Variants in PCDH15 observed in about 807,000 individuals in gnomAD.
PCDH15 encodes protocadherin-15.
A neutral mutation model predicts 178.5 loss-of-function variants in PCDH15; 129 were observed. The observed-to-expected ratio is 0.72, with a 90% CI of 0.63 to 0.84. The LOEUF (loss-of-function observed/expected upper bound fraction) is 0.84. PCDH15 is among the 40% of genes least tolerant of loss of function. The probability of loss-of-function intolerance (pLI) is 0.00; values close to 1 mark genes in which losing one functional copy is unlikely to be tolerated. For synonymous variants in PCDH15, 800 were observed against 732.0 expected (o/e 1.09, Z -1.50); for missense variants, 2,230 against 2,099.9 (o/e 1.06, Z -1.21).
At chr10:54,456,804 C>T (rs1160580483) in intron 3 of PCDH15, among the ~76,000 whole-genome samples, 1 of 152,028 alleles carries the variant, frequency 6.6e-6, no homozygotes, top group Non-Finnish European at 1.5e-5. Context: ...GTTGGTTACC[C>T]TCGTGTTGTT....
chr10:54,441,958 C>T (rs775540770), intron 3 of PCDH15, among the ~76,000 whole-genome samples: 4 of 151,666 alleles, frequency 2.6e-5, no homozygotes, highest in Non-Finnish European at 5.9e-5. Context: ...TATCTGCTCC[C>T]ACCATCAAGG....
chr10:53,898,465 A>G (rs1026169068), intron 26 of PCDH15, among the ~76,000 whole-genome samples: 5 of 152,218 alleles, frequency 3.3e-5, no homozygotes, highest in Non-Finnish European at 5.9e-5. Context: ...ACTCCTCATA[A>G]TTAAAATGAC....
intron 15 of PCDH15, among the ~76,000 whole-genome samples, chr10:54,128,230 A>G (rs1199930117): frequency 6.6e-6 from 1 of 152,142 alleles, no homozygotes; most frequent in African/African-American, 2.4e-5. Context: ...CTTTTAGCTA[A>G]TGTCCAGGTG....
intron 2 of PCDH15, among the ~76,000 whole-genome samples, chr10:55,048,480 A>G (rs1161591368): frequency 2.0e-5 from 3 of 151,952 alleles, no homozygotes; most frequent in Non-Finnish European, 4.4e-5. Flanking sequence ...TTTATAGAAA[A>G]TGTTATGCCT....
At chr10:55,368,204 G>A (rs970010680) in intron 2 of PCDH15, among the ~76,000 whole-genome samples, 1 of 151,920 alleles carries the variant, frequency 6.6e-6, no homozygotes, top group African/African-American at 2.4e-5. Flanking sequence ...CATAGTTTTT[G>A]TCAATGATTT....
intron 26 of PCDH15, among the ~76,000 whole-genome samples, chr10:53,886,520 T>G (rs1017410123): frequency 6.6e-5 from 10 of 152,114 alleles, no homozygotes; most frequent in African/African-American, 2.4e-4. Context: ...TAAAATGTTC[T>G]TGTAGTAATT....
At chr10:54,793,252 C>A (rs780018957) in intron 1 of PCDH15, among the ~76,000 whole-genome samples, 2 of 151,850 alleles carry the variant, frequency 1.3e-5, no homozygotes, top group African/African-American at 2.4e-5. Flanking sequence ...CCTCCACACC[C>A]ATTCTGCAGC....
At chr10:54,210,083 A>T (rs1045296997) in intron 10 of PCDH15, among the ~76,000 whole-genome samples, 4 of 152,046 alleles carry the variant, frequency 2.6e-5, no homozygotes, top group African/African-American at 7.2e-5. Context: ...CAAATATGTA[A>T]TTTTTCTTTA....
intron 1 of PCDH15, among the ~76,000 whole-genome samples, chr10:54,742,068 T>C (rs1944884761): frequency 6.6e-6 from 1 of 152,070 alleles, no homozygotes; most frequent in African/African-American, 2.4e-5. Flanking sequence ...CTCATAACTT[T>C]TGTCAGAATC....
intron 11 of PCDH15, among the ~76,000 whole-genome samples, chr10:54,191,343 G>A (rs1243688926): frequency 6.6e-6 from 1 of 152,184 alleles, no homozygotes; most frequent in Non-Finnish European, 1.5e-5. Context: ...ATTCTCGAAT[G>A]AAGGAATGCC....
intron 2 of PCDH15, among the ~76,000 whole-genome samples, chr10:54,587,882 G>A (rs2091608691): frequency 6.6e-6 from 1 of 152,104 alleles, no homozygotes; most frequent in South Asian, 2.1e-4. Context: ...TAGAAAGAAA[G>A]AACTGACTTT....
chr10:54,557,621 T>C (rs1215647215), intron 2 of PCDH15, among the ~76,000 whole-genome samples: 1 of 152,144 alleles, frequency 6.6e-6, no homozygotes, highest in African/African-American at 2.4e-5. Context: ...CACCTGGAGA[T>C]TTCATAATAC....
chr10:55,618,966 A>G (rs1258574131), intron 2 of PCDH15, among the ~76,000 whole-genome samples: 1 of 152,200 alleles, frequency 6.6e-6, no homozygotes, highest in African/African-American at 2.4e-5. Context: ...AAAGGAACAC[A>G]AGGGAGTTTG....
intron 2 of PCDH15, among the ~76,000 whole-genome samples, chr10:54,623,808 A>G (rs1010470488): frequency 1.3e-5 from 2 of 152,124 alleles, no homozygotes; most frequent in Non-Finnish European, 2.9e-5. Context: ...TACCTCTGGT[A>G]TAGTCGACTA....
intron 2 of PCDH15, among the ~76,000 whole-genome samples, chr10:54,916,769 G>A (rs1837348746): frequency 1.3e-5 from 2 of 151,842 alleles, no homozygotes; most frequent in Admixed American, 1.3e-4. Flanking sequence ...TTTCCAAATT[G>A]TAAGATTAAA....
intron 2 of PCDH15, among the ~76,000 whole-genome samples, chr10:55,077,868 C>A (rs79750714): frequency 6.6e-6 from 1 of 152,028 alleles, no homozygotes; most frequent in Non-Finnish European, 1.5e-5. Flanking sequence ...CTAATGATAT[C>A]ATTTCAGTTT....
intron 3 of PCDH15, among the ~76,000 whole-genome samples, chr10:54,408,737 C>T (rs1437131967): frequency 6.6e-6 from 1 of 152,118 alleles, no homozygotes; most frequent in African/African-American, 2.4e-5. Context: ...TTATATAAGA[C>T]ATTGTTCAGA....
intron 3 of PCDH15, among the ~76,000 whole-genome samples, chr10:54,892,429 C>T (rs1261310923): frequency 6.6e-6 from 1 of 150,808 alleles, no homozygotes; most frequent in Non-Finnish European, 1.5e-5. Flanking sequence ...CAGTGAATAA[C>T]AGGTAAAAGA....
intron 3 of PCDH15, among the ~76,000 whole-genome samples, chr10:54,869,996 A>G (rs185944129): frequency 1.2e-4 from 19 of 152,360 alleles, no homozygotes; most frequent in Non-Finnish European, 2.6e-4. Context: ...GGTAAGTGAA[A>G]AACAACTTTT....
Sources: allele counts gnomAD v4.1 joint callset (sites outside exome capture counted in the v4.1 genomes callset), GRCh38; gene constraint gnomAD v4.1.1; transcripts MANE v1.5; gene names NCBI Gene and HGNC (gene_info 2026-07-23, HGNC 2026-07-21).